MTUS2: variants seen among roughly 807,000 people sequenced by gnomAD.
MTUS2 encodes the protein microtubule-associated tumor suppressor candidate 2.
MTUS2 carries 40 observed loss-of-function variants against 114.1 expected under a neutral mutation model. The observed-to-expected ratio is 0.35, with a 90% CI of 0.27 to 0.46. MTUS2 has a LOEUF of 0.46. Ranked by LOEUF, MTUS2 falls within the 20% of genes least tolerant of loss-of-function variation. The probability of loss-of-function intolerance (pLI) is 1.00; values close to 1 mark genes in which losing one functional copy is unlikely to be tolerated. For missense variants in MTUS2, 1,679 were observed against 1,705.4 expected (o/e 0.98, Z 0.27); for synonymous variants, 688 against 672.0 (o/e 1.02, Z -0.37).
intron 4 of MTUS2, among the ~76,000 whole-genome samples, chr13:29,069,473 G>T (rs115957814): frequency 0.01 from 1,593 of 152,280 alleles, 23 homozygotes; most frequent in African/African-American, 0.037. Flanking sequence ...ATTGGGGAAG[G>T]CCATCTGCTT....
intron 2 of MTUS2, among the ~76,000 whole-genome samples, chr13:28,916,485 A>G (rs951880663): frequency 1.8e-4 from 27 of 151,698 alleles, no homozygotes; most frequent in African/African-American, 6.5e-4. Context: ...TCAGTGTTTT[A>G]TAGTTTTTAT....
intron 5 of MTUS2, among the ~76,000 whole-genome samples, chr13:29,164,696 A>T (rs1053663903): frequency 2.0e-5 from 3 of 152,218 alleles, no homozygotes; most frequent in African/African-American, 7.2e-5. Context: ...CAGCATATTA[A>T]AAAGAGTGTG....
chr13:29,378,575 T>C (rs1207070248), intron 8 of MTUS2, among the ~76,000 whole-genome samples: 1 of 152,158 alleles, frequency 6.6e-6, no homozygotes, highest in Non-Finnish European at 1.5e-5. Context: ...CAAAAACTCC[T>C]GTTCTCAGCT....
At chr13:29,113,449 CTT>C (rs1566015388) in intron 5 of MTUS2, among the ~76,000 whole-genome samples, 1 of 152,186 alleles carries the variant, frequency 6.6e-6, no homozygotes, top group Non-Finnish European at 1.5e-5. Context: ...CCTCCTGTCT[CTT>C]TAGATCAGCT....
intron 2 of MTUS2, among the ~76,000 whole-genome samples, chr13:29,017,646 G>A (rs919430732): frequency 1.3e-5 from 2 of 151,652 alleles, no homozygotes; most frequent in East Asian, 1.9e-4. Flanking sequence ...TTGGGAGGAC[G>A]TCTAACCAGT....
chr13:28,901,562 T>C (rs1375897870), intron 2 of MTUS2, among the ~76,000 whole-genome samples: 2 of 152,146 alleles, frequency 1.3e-5, no homozygotes, highest in African/African-American at 2.4e-5. Context: ...TAGGTTGAGG[T>C]TCTTTCTTAT....
chr13:29,028,234 C>T (rs2138497425), intron 3 of MTUS2, among the ~76,000 whole-genome samples: 1 of 152,224 alleles, frequency 6.6e-6, no homozygotes, highest in South Asian at 2.1e-4. Context: ...GCCTGTAGTC[C>T]CAGGAACTGG....
chr13:29,137,238 C>T (rs1466863202), intron 5 of MTUS2, among the ~76,000 whole-genome samples: 1 of 152,056 alleles, frequency 6.6e-6, no homozygotes, highest in Non-Finnish European at 1.5e-5. Flanking sequence ...TATTGAGGAT[C>T]CCTAGTATGT....
At chr13:28,893,952 G>T (rs1026549061) in intron 2 of MTUS2, among the ~76,000 whole-genome samples, 1 of 152,110 alleles carries the variant, frequency 6.6e-6, no homozygotes, top group Non-Finnish European at 1.5e-5. Context: ...TGTACAGCAA[G>T]TAAGTCACAC....
At chr13:29,215,495 TCCCCA>T (rs1895643160) in intron 5 of MTUS2, among the ~76,000 whole-genome samples, 1 of 136,152 alleles carries the variant, frequency 7.3e-6, no homozygotes, top group African/African-American at 2.7e-5. Context: ...TTTTTTTTTT[TCCCCA>T]TCTTTGTGGA....
intron 2 of MTUS2, among the ~76,000 whole-genome samples, chr13:28,925,177 G>T (rs930106772): frequency 6.6e-5 from 10 of 152,040 alleles, no homozygotes; most frequent in South Asian, 4.2e-4. Flanking sequence ...TTGGAATGTT[G>T]CTCTTAATTA....
At chr13:28,840,342 T>C (rs1280511882) in intron 2 of MTUS2, among the ~76,000 whole-genome samples, 1 of 152,184 alleles carries the variant, frequency 6.6e-6, no homozygotes, top group Non-Finnish European at 1.5e-5. Context: ...GAAGCTTTAG[T>C]AAACAGCCAA....
At chr13:29,466,874 CT>C (rs200276207) in intron 9 of MTUS2, among the ~76,000 whole-genome samples, 2,931 of 80,850 alleles carry the variant, frequency 0.036, 80 homozygotes, top group African/African-American at 0.15. Context: ...GAGACCTCAT[CT>C]CAAAAAAAAA....
intron 2 of MTUS2, among the ~76,000 whole-genome samples, chr13:28,989,095 T>C (rs1044509692): frequency 6.6e-6 from 1 of 152,176 alleles, no homozygotes; most frequent in African/African-American, 2.4e-5. Context: ...CTTAGACCTG[T>C]CTGCTGAGGG....
intron 7 of MTUS2, among the ~76,000 whole-genome samples, chr13:29,356,759 A>T (rs1180082239): frequency 6.6e-6 from 1 of 152,254 alleles, no homozygotes; most frequent in East Asian, 1.9e-4. Context: ...AACTTAAAGC[A>T]ATAGAGAACT....
rs1304938999 is a variant in MTUS2, at chr13:29,359,341, G to T, written c.2985G>T (p.Arg995=). The T allele has an allele frequency of 6.2e-7, 1 of 1,611,474 alleles. No individual in the cohort carries two copies. Among genetic ancestry groups the T allele is most frequent in the African/African-American group, 1.3e-5 (1 of 75,014 alleles). The part of the protein sequence containing the change: ...KPDPQAREAE[R]QLVLRLKERC... Reference sequence around the variant, plus strand: ...ACCCGCAGGCCCGTGAGGCTGAGCGGCAGCTGGTGCTGCGGCTGAAGGAGC... The same window carrying T: ...ACCCGCAGGCCCGTGAGGCTGAGCGTCAGCTGGTGCTGCGGCTGAAGGAGC... Residue 995 remains arginine (R), a synonymous_variant, in exon 8 of 16, where the codon CGG becomes CGT. Transcript: ENST00000612955.
intron 2 of MTUS2, among the ~76,000 whole-genome samples, chr13:28,984,302 AC>A (rs1884482791): frequency 6.6e-6 from 1 of 151,772 alleles, no homozygotes; most frequent in Non-Finnish European, 1.5e-5. Flanking sequence ...GAAAAATGAG[AC>A]TCTAAATTTG....
At position 29,389,431 on chromosome 13, in the gene MTUS2, GTGTGTGTA is replaced by G. The variant is rs1872990714; in HGVS notation, c.3117+29964_3117+29971del. On this transcript the variant is annotated intron_variant, in intron 8 of 15. Transcript: ENST00000612955. Reference sequence around the variant, plus strand: ...TACACGTGTGTGTGTATGTATACACGTGTGTGTATGTGTATGTATACACGTGTGTGTAT... The same window carrying G: ...TACACGTGTGTGTGTATGTATACACGTGTGTATGTATACACGTGTGTGTAT... Among the ~76,000 whole-genome samples the G allele has an allele frequency of 3.4e-5, 4 of 118,954 alleles. 1 individual carries two copies. The highest frequency in any genetic ancestry group is 1.7e-4 in the Admixed American group (2 of 11,726). The allele number at this position is 118,954 out of a possible 152,430, so 78.0% of individuals were successfully genotyped here.
At position 29,024,821 on chromosome 13, in the gene MTUS2, G is replaced by T. The variant is rs866776829; in HGVS notation, c.123G>T (p.Met41Ile). The change falls in exon 3 of 16, where the codon ATG (methionine) becomes ATT (isoleucine). Residue 41 changes from methionine (M) to isoleucine (I), a missense_variant. Met to Ile is a conservative substitution (Grantham distance 10, BLOSUM62 1). Around this residue, in one of 3 missense-constraint regions of MTUS2, gnomAD observed 843 missense variants for 770.8 expected, o/e 1.09. Transcript: ENST00000612955. ...GAGATACGAATGCCAATCAAATCAT[G>T]TTGGAGGTCAGCTCCTCTCATGACG... ...SLGDTNANQI[M>I]LEVSSSHDES... 1 of 1,614,024 alleles carries T rather than the reference G, an allele frequency of 6.2e-7. No homozygotes were observed.
Sources: allele counts gnomAD v4.1 joint callset (sites outside exome capture counted in the v4.1 genomes callset), GRCh38; gene constraint gnomAD v4.1.1; regional missense constraint gnomAD v4.1.1; transcripts MANE v1.5; gene names NCBI Gene and HGNC (gene_info 2026-07-23, HGNC 2026-07-21).